Variants in ANKDD1B observed in about 807,000 individuals in gnomAD.
The protein encoded by ANKDD1B is ankyrin repeat and death domain-containing protein 1B.
A neutral mutation model predicts 59.7 loss-of-function variants in ANKDD1B; 57 were observed. The ratio of observed to expected loss-of-function variants is 0.95; its 90% CI spans 0.77 to 1.19. The LOEUF (loss-of-function observed/expected upper bound fraction) is 1.19, where lower values mean the gene tolerates loss of function less well. ANKDD1B is among the 50% of genes most tolerant of loss of function. The pLI, the probability that ANKDD1B is intolerant of heterozygous loss-of-function variation, is 0.00. For synonymous variants in ANKDD1B, 216 were observed against 239.5 expected (o/e 0.90, Z 0.91); for missense variants, 602 against 641.9 (o/e 0.94, Z 0.67).
intron 5 of ANKDD1B, 90 bp from the exon 6 acceptor site, chr5:75,634,808 A>G: frequency 8.6e-6 from 7 of 814,874 alleles, no homozygotes; most frequent in South Asian, 7.9e-5. Context: ...TGGACTCCCC[A>G]TCATCCTTGA....
chr5:75,648,914 C>G (rs1162794998), intron 7 of ANKDD1B, among the ~76,000 whole-genome samples: 1 of 152,152 alleles, frequency 6.6e-6, no homozygotes, highest in Non-Finnish European at 1.5e-5. Flanking sequence ...GTGCTCCCTC[C>G]CACCTCCCCA....
chr5:75,616,105 C>T (rs1478393617), intron 1 of ANKDD1B, among the ~76,000 whole-genome samples: 2 of 152,128 alleles, frequency 1.3e-5, no homozygotes, highest in Non-Finnish European at 2.9e-5. Flanking sequence ...CCTACTTAAC[C>T]TCAATTCTGG....
intron 2 of ANKDD1B, among the ~76,000 whole-genome samples, chr5:75,617,402 A>G (rs976146618): frequency 6.6e-6 from 1 of 152,220 alleles, no homozygotes; most frequent in African/African-American, 2.4e-5. Flanking sequence ...CTCTTGGGCA[A>G]TGAGGCCTTA....
chr5:75,641,419 T>TA (rs1774457908), intron 7 of ANKDD1B, among the ~76,000 whole-genome samples: 1 of 152,144 alleles, frequency 6.6e-6, no homozygotes, highest in African/African-American at 2.4e-5. Context: ...GGGTATATGA[T>TA]AAAAAAGTGT....
At chr5:75,663,852 C>T (rs980216945) in intron 11 of ANKDD1B, among the ~76,000 whole-genome samples, 2 of 152,224 alleles carry the variant, frequency 1.3e-5, no homozygotes, top group African/African-American at 2.4e-5. Flanking sequence ...GGTTAAAAAA[C>T]TCCTTTGTGT....
chr5:75,626,181 A>G (rs1397656562), intron 5 of ANKDD1B, among the ~76,000 whole-genome samples: 1 of 152,128 alleles, frequency 6.6e-6, no homozygotes, highest in Admixed American at 6.6e-5. Flanking sequence ...AAGCAGCCAG[A>G]TTCCTTCTTC....
At position 75,647,350 on chromosome 5, in the gene ANKDD1B, C is replaced by T. The variant is rs1233137042; in HGVS notation, c.799-5792C>T. Among the ~76,000 whole-genome samples the T allele has an allele frequency of 5.7e-5, 7 of 123,006 alleles. 2 individuals carry two copies. The highest frequency in any genetic ancestry group is 9.3e-5 in the African/African-American group (2 of 21,442). 80.7% of individuals were successfully genotyped at this position (123,006 alleles called of 152,430 possible). A position where few individuals can be genotyped will look rare whatever the true frequency, so the allele number is the denominator to read the frequency against. ...TGGGAGAAAATTTTCACAACCTACT[C>T]ATCTGACAAAGGGCTAATATCCAGA... On this transcript the variant is annotated intron_variant, in intron 7 of 13. Transcript: ENST00000601380.
At chr5:75,613,302 T>G (rs1773619763) in intron 1 of ANKDD1B, among the ~76,000 whole-genome samples, 1 of 152,216 alleles carries the variant, frequency 6.6e-6, no homozygotes, top group Non-Finnish European at 1.5e-5. Flanking sequence ...TAGGGTATTA[T>G]GGCATCTCAG....
chr5:75,653,159 G>T lies in ANKDD1B; in HGVS notation c.816G>T (p.Leu272Phe). The T allele has an allele frequency of 1.3e-6, 2 of 1,535,868 alleles. No individual in the cohort carries two copies. The highest frequency in any genetic ancestry group is 1.7e-6 in the Non-Finnish European group (2 of 1,146,680). ...NEMNELNISS[L>F]QIATRNGHAS... ...TCTTGCAGCTCAATATCAGTAGTTT[G>T]CAGATAGCAACCAGGAACGGCCATG... The change falls in exon 8 of 14, where the codon TTG (leucine) becomes TTT (phenylalanine). Residue 272 changes from leucine (L) to phenylalanine (F), a missense_variant. Physicochemically the swap from Leu to Phe is conservative, Grantham distance 22 (BLOSUM62 0). Around this residue, in one of 3 missense-constraint regions of ANKDD1B, gnomAD observed 280 missense variants for 319.8 expected, o/e 0.88. Coordinates refer to ENST00000601380, the MANE Select transcript of ANKDD1B (RefSeq NM_001276713.2).
chr5:75,661,139 C>CT (rs1270195826), intron 10 of ANKDD1B, among the ~76,000 whole-genome samples: 1 of 151,058 alleles, frequency 6.6e-6, no homozygotes, highest in Non-Finnish European at 1.5e-5. Context: ...TGGCTCACAC[C>CT]TGTAATCTCA....
chr5:75,635,596 T>G (rs1353779245), intron 6 of ANKDD1B, 188 bp from the exon 7 acceptor site: 2 of 399,702 alleles, frequency 5.0e-6, no homozygotes, highest in South Asian at 9.1e-5. Flanking sequence ...TTCAAAAAAC[T>G]ATACCTTTTT....
intron 9 of ANKDD1B, among the ~76,000 whole-genome samples, chr5:75,656,697 G>A (rs1774987966): frequency 6.6e-6 from 1 of 152,212 alleles, no homozygotes; most frequent in Non-Finnish European, 1.5e-5. Context: ...GGCACTGAAT[G>A]AGCCTGCTCT....
intron 7 of ANKDD1B, among the ~76,000 whole-genome samples, chr5:75,651,623 C>T (rs1774834247): frequency 6.6e-6 from 1 of 152,162 alleles, no homozygotes; most frequent in African/African-American, 2.4e-5. Context: ...TTTCTTGGGG[C>T]TAATACCAAG....
At chr5:75,620,573 C>A (rs1370827833) in intron 3 of ANKDD1B, among the ~76,000 whole-genome samples, 160 bp downstream of exon 3, 2 of 152,168 alleles carry the variant, frequency 1.3e-5, no homozygotes, top group African/African-American at 4.8e-5. Context: ...CATATATGTG[C>A]TCTTTGAATT....
At position 75,656,077 on chromosome 5, in the gene ANKDD1B, G is replaced by A. The variant is rs1164437431; in HGVS notation, c.946G>A (p.Val316Ile). The change falls in exon 9 of 14, where the codon GTT (valine) becomes ATT (isoleucine). Residue 316 changes from valine (V) to isoleucine (I), a missense_variant. By Grantham distance (29) the Val-to-Ile change is conservative. Transcript: ENST00000601380. ...HLVVINNHIT[V>I]VNSLLSAQHD... ...AGTTGTTATCAACAACCACATCACG[G>A]TTGTAAACAGTTTATTAAGTGCACA... The A allele has an allele frequency of 2.6e-6, 4 of 1,529,506 alleles. No homozygotes were observed. Among genetic ancestry groups the A allele is most frequent in the Non-Finnish European group, 3.5e-6 (4 of 1,141,140 alleles). The allele number at this position is 1,529,506 out of a possible 1,614,324, so 94.7% of individuals were successfully genotyped here.
chr5:75,642,098 T>A (rs1039247624), intron 7 of ANKDD1B, among the ~76,000 whole-genome samples: 2 of 152,328 alleles, frequency 1.3e-5, no homozygotes, highest in South Asian at 4.1e-4. Context: ...TAGTAAATAT[T>A]AATATAATAT....
intron 2 of ANKDD1B, among the ~76,000 whole-genome samples, chr5:75,619,840 A>G (rs1029496141): frequency 1.3e-5 from 2 of 152,112 alleles, no homozygotes; most frequent in Admixed American, 1.3e-4. Context: ...TTCCTTTCAG[A>G]AGGAATTTAT....
intron 13 of ANKDD1B, 81 bp downstream of exon 13, chr5:75,669,464 G>A: frequency 1.7e-6 from 2 of 1,168,336 alleles, no homozygotes; most frequent in Non-Finnish European, 1.1e-6. Flanking sequence ...ATCCTGACCA[G>A]CTACAGCCCC....
At chr5:75,627,578 C>T (rs1213947903) in intron 5 of ANKDD1B, among the ~76,000 whole-genome samples, 4 of 152,268 alleles carry the variant, frequency 2.6e-5, no homozygotes, top group Middle Eastern at 3.4e-3. Context: ...AAGTGACAAT[C>T]ATAGTCAAAT....
Sources: allele counts gnomAD v4.1 joint callset (sites outside exome capture counted in the v4.1 genomes callset), GRCh38; gene constraint gnomAD v4.1.1; regional missense constraint gnomAD v4.1.1; transcripts MANE v1.5; gene names NCBI Gene and HGNC (gene_info 2026-07-23, HGNC 2026-07-21).